Variants in LRRK1 observed in about 807,000 individuals in gnomAD.
The protein encoded by LRRK1 is leucine rich repeat kinase 1.
Under a neutral mutation model 209.1 loss-of-function variants are expected in LRRK1, and 113 were observed. The ratio of observed to expected loss-of-function variants is 0.54; its 90% CI spans 0.46 to 0.63. The LOEUF (loss-of-function observed/expected upper bound fraction) is 0.63. LRRK1 is among the 30% of genes least tolerant of loss of function. The pLI is 0.00. For synonymous variants in LRRK1, 1,144 were observed against 1,099.7 expected, an observed-to-expected ratio of 1.04 and a Z score of -0.80; for missense variants, 2,284 against 2,632.2, an observed-to-expected ratio of 0.87 and a Z score of 2.89.
chr15:101,062,737 A>C (rs764113031), intron 31 of LRRK1, 47 bp downstream of exon 31: 1 of 1,385,942 alleles, frequency 7.2e-7, no homozygotes, highest in Non-Finnish European at 1.0e-6. Flanking sequence ...ATGCACTTCC[A>C]CGCCTAGGAG....
intron 2 of LRRK1, among the ~76,000 whole-genome samples, chr15:100,937,649 C>T (rs1056846522): frequency 6.6e-6 from 1 of 152,038 alleles, no homozygotes; most frequent in East Asian, 1.9e-4. Flanking sequence ...ATTCTCCTGC[C>T]TCCACCTCCC....
At chr15:101,047,078 T>G (rs1474308619) in intron 21 of LRRK1, among the ~76,000 whole-genome samples, 1 of 152,224 alleles carries the variant, frequency 6.6e-6, no homozygotes, top group South Asian at 2.1e-4. Context: ...TGACACACTT[T>G]TGGTTTTGCG....
intron 6 of LRRK1, among the ~76,000 whole-genome samples, chr15:100,990,342 T>C (rs1596243973): frequency 6.6e-6 from 1 of 152,166 alleles, no homozygotes; most frequent in Non-Finnish European, 1.5e-5. Context: ...AATAGTTCTT[T>C]TTTTTTTCCT....
intron 12 of LRRK1, among the ~76,000 whole-genome samples, chr15:101,017,357 A>T (rs998325583): frequency 2.0e-5 from 3 of 151,688 alleles, no homozygotes; most frequent in African/African-American, 7.3e-5. Context: ...GTGTGTATTT[A>T]TATGTGACTG....
At chr15:100,924,485 C>G in intron 1 of LRRK1, 26 bp from the exon 2 acceptor site, 2 of 633,218 alleles carry the variant, frequency 3.2e-6, no homozygotes, top group Non-Finnish European at 5.7e-6. Flanking sequence ...TAAAGGCTTT[C>G]TGTTTTGATT....
intron 1 of LRRK1, among the ~76,000 whole-genome samples, chr15:100,923,467 G>A (rs991399457): frequency 9.9e-5 from 15 of 152,178 alleles, no homozygotes; most frequent in Non-Finnish European, 2.2e-4. Flanking sequence ...CAGACAAGAG[G>A]TGCTAATTAC....
chr15:100,995,698 T>C (rs2032373685), intron 6 of LRRK1, among the ~76,000 whole-genome samples: 1 of 152,156 alleles, frequency 6.6e-6, no homozygotes, highest in Non-Finnish European at 1.5e-5. Context: ...AAAAGCCTAA[T>C]CAGATCCCAG....
chr15:100,927,079 C>T (rs1001023890), intron 2 of LRRK1, among the ~76,000 whole-genome samples: 1 of 152,178 alleles, frequency 6.6e-6, no homozygotes, highest in Non-Finnish European at 1.5e-5. Context: ...CATAGAGCAG[C>T]ACTTCTCAAA....
rs1370626875 is a variant in LRRK1, at chr15:101,053,370, A to G, written c.4004A>G (p.Glu1335Gly). Residue 1335 changes from glutamate (E) to glycine (G), a missense_variant, in exon 26 of 34, where the codon GAG becomes GGG. Coordinates refer to ENST00000388948, the MANE Select transcript of LRRK1 (RefSeq NM_024652.6). Reference sequence around the variant, plus strand: ...ATCCACCCGCTCTGCTTCGCCCTGGAGCTCGCGCCGCTCAGCAGCCTCAAC... The same window carrying G: ...ATCCACCCGCTCTGCTTCGCCCTGGGGCTCGCGCCGCTCAGCAGCCTCAAC... ...ISIHPLCFAL[E>G]LAPLSSLNTV... 1.2e-6 allele frequency: 2 copies of G among 1,601,056 alleles called. No individual in the cohort carries two copies. The highest frequency in any genetic ancestry group is 1.7e-6 in the Non-Finnish European group (2 of 1,179,786).
At chr15:101,061,324 G>A (rs752315491) in intron 30 of LRRK1, 36 bp downstream of exon 30, 20 of 1,463,394 alleles carry the variant, frequency 1.4e-5, no homozygotes, top group Admixed American at 1.0e-4. Flanking sequence ...ACCGAGGTAA[G>A]CACTGCCCAC....
intron 2 of LRRK1, among the ~76,000 whole-genome samples, chr15:100,954,165 C>T (rs554638927): frequency 6.6e-5 from 10 of 152,274 alleles, no homozygotes; most frequent in South Asian, 4.2e-4. Context: ...CTGCCCGCCT[C>T]GGCCTCCCAA....
At chr15:101,062,899 A>AGCCAGACTGCAGGCCGAAT (rs1400568739) in intron 31 of LRRK1, among the ~76,000 whole-genome samples, 1 of 152,176 alleles carries the variant, frequency 6.6e-6, no homozygotes. Context: ...TCAAGTCCCC[A>AGCCAGACTGCAGGCCGAAT]GCCAGACTGC....
At chr15:101,015,444 CG>C in intron 12 of LRRK1, 42 bp downstream of exon 12, 2 of 1,490,226 alleles carry the variant, frequency 1.3e-6, no homozygotes, top group Non-Finnish European at 1.9e-6. Flanking sequence ...ATGAGACAGC[CG>C]GGGTAGCCTG....
At position 101,055,200 on chromosome 15, in the gene LRRK1, C is replaced by T. The variant is rs1348226308; in HGVS notation, c.4309C>T (p.Pro1437Ser). 6.3e-7 allele frequency: 1 copy of T among 1,591,642 alleles called. No individual in the cohort carries two copies. The highest frequency in any genetic ancestry group is 8.6e-7 in the Non-Finnish European group (1 of 1,169,546). ...TPGYQAPEIR[P>S]RIVYDEKVDM... Reference sequence around the variant, plus strand: ...TGGCTACCAGGCCCCAGAGATCAGGCCTCGCATTGTATATGATGAGAAGGT... The same window carrying T: ...TGGCTACCAGGCCCCAGAGATCAGGTCTCGCATTGTATATGATGAGAAGGT... Residue 1437 changes from proline to serine, a missense_variant, in exon 27 of 34, where the codon CCT (proline) becomes TCT (serine). Physicochemically the swap from Pro to Ser is moderately conservative, Grantham distance 74. Transcript: ENST00000388948.
intron 2 of LRRK1, among the ~76,000 whole-genome samples, chr15:100,940,160 T>C (rs1040757726): frequency 2.0e-5 from 3 of 152,234 alleles, no homozygotes; most frequent in Non-Finnish European, 4.4e-5. Context: ...AATATAGTTT[T>C]ATCTCTTTGT....
chr15:101,051,499 C>A (rs2035433932), intron 23 of LRRK1, among the ~76,000 whole-genome samples: 1 of 152,236 alleles, frequency 6.6e-6, no homozygotes, highest in Non-Finnish European at 1.5e-5. Flanking sequence ...CATCCTGAAC[C>A]CTCCCTGGAC....
chr15:100,934,584 G>A (rs2042262029), intron 2 of LRRK1, among the ~76,000 whole-genome samples: 1 of 130,082 alleles, frequency 7.7e-6, no homozygotes, highest in African/African-American at 2.8e-5. Flanking sequence ...GACTTCAGGA[G>A]TTTGAGACCA....
chr15:100,927,450 T>A (rs73480684), intron 2 of LRRK1, among the ~76,000 whole-genome samples: 2,572 of 152,256 alleles, frequency 0.017, 82 homozygotes, highest in African/African-American at 0.058. Context: ...ATCCCTGCTA[T>A]CCCTGTTCTG....
At chr15:101,015,273 G>T in intron 11 of LRRK1, 53 bp from the exon 12 acceptor site, 2 of 1,418,080 alleles carry the variant, frequency 1.4e-6, no homozygotes, top group South Asian at 2.4e-5. Flanking sequence ...ACAGCCAAAA[G>T]TAATGCTTTT....
Sources: allele counts gnomAD v4.1 joint callset (sites outside exome capture counted in the v4.1 genomes callset), GRCh38; gene constraint gnomAD v4.1.1; transcripts MANE v1.5; gene names NCBI Gene and HGNC (gene_info 2026-07-23, HGNC 2026-07-21).